The following SCHIP1 variants were observed in gnomAD, a reference collection of about 807,000 sequenced individuals.
The protein encoded by SCHIP1 is schwannomin-interacting protein 1.
A neutral mutation model predicts 29.7 loss-of-function variants in SCHIP1; 8 were observed. The ratio of observed to expected loss-of-function variants is 0.27; its 90% CI spans 0.16 to 0.49. SCHIP1 has a LOEUF of 0.49. Ranked by LOEUF, SCHIP1 falls within the 20% of genes least tolerant of loss-of-function variation. The probability of loss-of-function intolerance (pLI) is 0.99; values close to 1 mark genes in which losing one functional copy is unlikely to be tolerated. For missense variants in SCHIP1, 193 were observed against 294.6 expected (o/e 0.66, Z 2.52); for synonymous variants, 76 against 94.9 (o/e 0.80, Z 1.16).
the SCHIP1 span, among the ~76,000 whole-genome samples, chr3:159,708,783 A>G: frequency 1.3e-5 from 2 of 152,356 alleles, no homozygotes; most frequent in African/African-American, 2.4e-5. Context: ...ACCTGAGTCT[A>G]AAGAGAACCT....
the SCHIP1 span, among the ~76,000 whole-genome samples, chr3:159,607,127 C>A: frequency 3.3e-5 from 5 of 152,292 alleles, no homozygotes; most frequent in South Asian, 1.0e-3. Flanking sequence ...CTACCATTTT[C>A]TTTCTAGTGC....
At chr3:159,380,919 T>C in the SCHIP1 span, among the ~76,000 whole-genome samples, 25 of 152,306 alleles carry the variant, frequency 1.6e-4, no homozygotes, top group Non-Finnish European at 2.8e-4. Flanking sequence ...GTGTTGTATA[T>C]GGAAAAACAC....
At chr3:159,351,749 T>C in the SCHIP1 span, among the ~76,000 whole-genome samples, 1 of 152,074 alleles carries the variant, frequency 6.6e-6, no homozygotes, top group Non-Finnish European at 1.5e-5. Context: ...GCAAGACGGG[T>C]AGATAAATCA....
At chr3:159,645,552 A>T in the SCHIP1 span, among the ~76,000 whole-genome samples, 1 of 152,104 alleles carries the variant, frequency 6.6e-6, no homozygotes, top group South Asian at 2.1e-4. Context: ...AATCGTCTAC[A>T]CATTCTACCT....
the SCHIP1 span, among the ~76,000 whole-genome samples, chr3:159,576,437 C>G: frequency 1.3e-5 from 2 of 152,000 alleles, no homozygotes; most frequent in African/African-American, 4.8e-5. Flanking sequence ...CTTTTGTCTT[C>G]TGTGTTATGC....
At chr3:159,570,691 G>C in the SCHIP1 span, among the ~76,000 whole-genome samples, 1 of 152,150 alleles carries the variant, frequency 6.6e-6, no homozygotes, top group Non-Finnish European at 1.5e-5. Context: ...GAAAGTCATT[G>C]GTAGCTTGAT....
chr3:159,536,015 T>C, the SCHIP1 span, among the ~76,000 whole-genome samples: 2 of 152,186 alleles, frequency 1.3e-5, no homozygotes, highest in Admixed American at 6.5e-5. Context: ...ATTAAATCAT[T>C]TAAAGTTATA....
chr3:159,641,593 AG>A, the SCHIP1 span, among the ~76,000 whole-genome samples: 3 of 152,146 alleles, frequency 2.0e-5, no homozygotes, highest in Non-Finnish European at 4.4e-5. Context: ...ACACTCAAAT[AG>A]GGCAGTGTTT....
At chr3:159,468,775 A>ATTTTTT in the SCHIP1 span, among the ~76,000 whole-genome samples, 3 of 125,588 alleles carry the variant, frequency 2.4e-5, no homozygotes, top group Non-Finnish European at 4.8e-5. Flanking sequence ...ATATATATAT[A>ATTTTTT]TATTTTTTTT....
At chr3:159,452,075 A>T in the SCHIP1 span, among the ~76,000 whole-genome samples, 1 of 152,056 alleles carries the variant, frequency 6.6e-6, no homozygotes, top group South Asian at 2.1e-4. Flanking sequence ...TTTCACCTAC[A>T]TGCCCCTAAT....
the SCHIP1 span, among the ~76,000 whole-genome samples, chr3:159,324,711 C>A: frequency 6.6e-6 from 1 of 152,084 alleles, no homozygotes; most frequent in Admixed American, 6.6e-5. Context: ...CTCTAACCAG[C>A]ATCTATCTTT....
chr3:159,554,028 G>GTGTGTGTGTGTGTGTGTGTGTA, the SCHIP1 span, among the ~76,000 whole-genome samples: 9 of 73,448 alleles, frequency 1.2e-4, no homozygotes, highest in African/African-American at 1.1e-3. Flanking sequence ...GTTTGTGTAT[G>GTGTGTGTGTGTGTGTGTGTGTA]TGTGTGTGTG....
At chr3:159,764,442 G>A in the SCHIP1 span, 1 of 1,586,104 alleles carries the variant, frequency 6.3e-7, no homozygotes, top group Non-Finnish European at 8.6e-7. This position sits in a 1 kb window ranked among gnomAD's most constrained non-coding sequence, Gnocchi z 6.1. Flanking sequence ...CCTCCCCCTA[G>A]GATTACCGAG....
the SCHIP1 span, among the ~76,000 whole-genome samples, chr3:159,709,073 A>G: frequency 1.3e-5 from 2 of 151,508 alleles, no homozygotes; most frequent in South Asian, 2.1e-4. Context: ...ATGGATCAAC[A>G]TGGGGGAAGG....
rs566940351 is a variant in SCHIP1 at position 159,843,001 on chromosome 3, C to CTTTTTTTTTTTTTTTTTTTTTTTTTTTT, written c.30+2788_30+2815dup. Among the ~76,000 whole-genome samples, 40 of 63,734 alleles carry CTTTTTTTTTTTTTTTTTTTTTTTTTTTT rather than the reference C, an allele frequency of 6.3e-4. 8 individuals are homozygous for CTTTTTTTTTTTTTTTTTTTTTTTTTTTT. Among genetic ancestry groups the CTTTTTTTTTTTTTTTTTTTTTTTTTTTT allele is most frequent in the Non-Finnish European group, 1.1e-3 (33 of 30,168 alleles). The allele number at this position is 63,734 out of a possible 152,430, so 41.8% of individuals were successfully genotyped here. The stretch of plus-strand genomic sequence containing the variant: ...TCCAGTTCTATCCCAATATTTCTTT[C>CTTTTTTTTTTTTTTTTTTTTTTTTTTTT]TTTTTTTTTTTTTTTTTTTTTTTTT... On this transcript the variant is annotated intron_variant, in intron 1 of 6. Coordinates refer to ENST00000445224, the Ensembl canonical transcript of SCHIP1.
chr3:159,488,102 A>G, the SCHIP1 span, among the ~76,000 whole-genome samples: 1 of 48,682 alleles, frequency 2.1e-5, no homozygotes, highest in Admixed American at 2.1e-4. Context: ...AGAAAGACAA[A>G]CTTTACATGT....
the SCHIP1 span, among the ~76,000 whole-genome samples, chr3:159,325,142 G>T: frequency 6.6e-6 from 1 of 151,978 alleles, no homozygotes. Context: ...CTAGATTTTA[G>T]AAAGAAATGA....
chr3:159,752,263 T>C, the SCHIP1 span, among the ~76,000 whole-genome samples: 1 of 152,104 alleles, frequency 6.6e-6, no homozygotes, highest in Non-Finnish European at 1.5e-5. Context: ...AACTAAAAAA[T>C]ACAAATAGAT....
At chr3:159,609,599 T>C in the SCHIP1 span, among the ~76,000 whole-genome samples, 1 of 152,056 alleles carries the variant, frequency 6.6e-6, no homozygotes, top group Non-Finnish European at 1.5e-5. Flanking sequence ...AGTGCCACTT[T>C]CAGAATGTGC....
Sources: allele counts gnomAD v4.1 joint callset (sites outside exome capture counted in the v4.1 genomes callset), GRCh38; gene constraint gnomAD v4.1.1; non-coding constraint Gnocchi (gnomAD v3.1); transcripts MANE v1.5; gene names NCBI Gene and HGNC (gene_info 2026-07-23, HGNC 2026-07-21).